The following F11R variants were observed in gnomAD, a reference collection of about 807,000 sequenced individuals.
F11R encodes junctional adhesion molecule A.
A neutral mutation model predicts 39.3 loss-of-function variants in F11R; 27 were observed. That is an observed-to-expected ratio of 0.69 (90% CI 0.51 to 0.95). F11R has a LOEUF of 0.95. Among genes scored for constraint, F11R ranks in the 40% least tolerant of loss-of-function variants. The probability of loss-of-function intolerance (pLI) is 0.00; values close to 1 mark genes in which losing one functional copy is unlikely to be tolerated. For missense variants in F11R, 335 were observed against 372.7 expected (o/e 0.90, Z 0.83); for synonymous variants, 131 against 144.9 (o/e 0.90, Z 0.69).
At chr1:161,002,641 C>G (rs931426750) in intron 1 of F11R, 1 of 152,186 alleles carries the variant, frequency 6.6e-6, no homozygotes, top group Non-Finnish European at 1.5e-5. Context: ...TTGTAGAAGT[C>G]AAGCACATCT....
rs530823859 is a variant in F11R, at chr1:160,998,418, C to G, written c.*453G>C. 9.6e-6 allele frequency: 2 copies of G among 208,264 alleles called. No homozygotes were observed. Among genetic ancestry groups the G allele is most frequent in the Admixed American group, 5.3e-5 (1 of 18,988 alleles). The allele number at this position is 208,264 out of a possible 1,614,324, so 12.9% of individuals were successfully genotyped here. ...TCACCAAACAACCATTTCAGCCGCT[C>G]TAGCCTCTAATTCCCGCTCTAGAAC... On this transcript the variant is annotated 3_prime_UTR_variant, in exon 10 of 10. Transcript: ENST00000368026.
Position 161,012,765 on chromosome 1 carries a change from T to C in F11R, c.64+8245A>G, listed in dbSNP as rs567290308. On this transcript the variant is annotated intron_variant, in intron 1 of 9. Transcript: ENST00000368026. ...TCAGCCTCCCAAGTAGCTAGAATTATAGGCACCCACCACCATGCCCGGCTA... is the reference window on the plus strand; with the variant it reads ...TCAGCCTCCCAAGTAGCTAGAATTACAGGCACCCACCACCATGCCCGGCTA... 8.0e-4 allele frequency among the ~76,000 whole-genome samples: 121 copies of C among 152,026 alleles called. 1 individual carries two copies. Among genetic ancestry groups the C allele is most frequent in the African/African-American group, 2.8e-3 (116 of 41,516 alleles).
At chr1:161,016,806 G>A (rs927215684) in intron 1 of F11R, among the ~76,000 whole-genome samples, 1 of 152,182 alleles carries the variant, frequency 6.6e-6, no homozygotes, top group Non-Finnish European at 1.5e-5. Flanking sequence ...TGGGAGTAGA[G>A]GGAGAGGAAA....
At chr1:160,999,518 T>C in intron 7 of F11R, 110 bp from the exon 8 acceptor site, 1 of 1,544,202 alleles carries the variant, frequency 6.5e-7, no homozygotes, top group Non-Finnish European at 9.0e-7. Flanking sequence ...GTGATCAGTG[T>C]TCCCCAGGGG....
intron 1 of F11R, among the ~76,000 whole-genome samples, chr1:161,019,940 G>A (rs187201188): frequency 2.5e-4 from 38 of 152,158 alleles, no homozygotes; most frequent in African/African-American, 8.0e-4. Context: ...TCCATCTAAG[G>A]GCAGGGAATC....
chr1:161,001,458 A>C, intron 1 of F11R, 105 bp from the exon 2 acceptor site: 1 of 899,170 alleles, frequency 1.1e-6, no homozygotes, highest in South Asian at 1.5e-5. Flanking sequence ...CACAGACCCT[A>C]AGAGGAAGGG....
chr1:161,005,117 GC>G (rs1390426766), intron 1 of F11R, among the ~76,000 whole-genome samples: 1 of 148,822 alleles, frequency 6.7e-6, no homozygotes, highest in Non-Finnish European at 1.5e-5. Flanking sequence ...CCTAGATAGT[GC>G]CACTGCACTC....
At chr1:161,005,167 A>AAAT (rs71090350) in intron 1 of F11R, among the ~76,000 whole-genome samples, 7,567 of 145,076 alleles carry the variant, frequency 0.052, 225 homozygotes, top group African/African-American at 0.087. Flanking sequence ...CTCAAAAATA[A>AAAT]AATAATAATA....
chr1:160,999,347 G>A (rs1648322621), intron 8 of F11R, 49 bp downstream of exon 8: 2 of 1,612,960 alleles, frequency 1.2e-6, no homozygotes, highest in Non-Finnish European at 1.7e-6. Flanking sequence ...CAAACCACAT[G>A]CATCCATGCT....
chr1:161,018,338 A>G (rs550763444), intron 1 of F11R, among the ~76,000 whole-genome samples: 57 of 152,278 alleles, frequency 3.7e-4, no homozygotes, highest in African/African-American at 1.3e-3. Context: ...GAACAGGGAG[A>G]ACATATGGGC....
intron 1 of F11R, among the ~76,000 whole-genome samples, chr1:161,011,998 C>G (rs1649185540): frequency 6.6e-6 from 1 of 152,084 alleles, no homozygotes; most frequent in Non-Finnish European, 1.5e-5. Context: ...TTGTTGACAG[C>G]CCCTGGCACA....
chr1:161,008,922 C>T (rs567131513), intron 1 of F11R, among the ~76,000 whole-genome samples: 29 of 152,256 alleles, frequency 1.9e-4, no homozygotes, highest in African/African-American at 7.0e-4. Flanking sequence ...CTCTGCCAAA[C>T]GCCCACCTCC....
intron 1 of F11R, among the ~76,000 whole-genome samples, chr1:161,002,956 G>GTT (rs35780690): frequency 3.9e-4 from 51 of 132,462 alleles, no homozygotes; most frequent in Non-Finnish European, 5.0e-4. Flanking sequence ...CTATTTATTT[G>GTT]TTTTTTTTTT....
chr1:161,012,961 G>A (rs910359143), intron 1 of F11R, among the ~76,000 whole-genome samples: 1 of 152,014 alleles, frequency 6.6e-6, no homozygotes, highest in African/African-American at 2.4e-5. Context: ...TAGGCTCAGG[G>A]GTACATATGC....
In F11R at chr1:161,001,106, T is replaced by C. The variant is rs1365274524; in HGVS notation, c.155A>G (p.Tyr52Cys). 6.2e-7 allele frequency: 1 copy of C among 1,613,792 alleles called. No homozygotes were observed. Among genetic ancestry groups the C allele is most frequent in the Non-Finnish European group, 8.5e-7 (1 of 1,179,972 alleles). The stretch of plus-strand genomic sequence containing the variant: ...CACACGGGGAGAAGAAAAGCCCGAG[T>C]AGGCACAGGACAACTTCACAGCTGC... Reference protein sequence around the residue: ...ENNPVKLSCAYSGFSSPRVEW... With the variant: ...ENNPVKLSCACSGFSSPRVEW... The change falls in exon 3 of 10, where the codon TAC (tyrosine) becomes TGC (cysteine). Residue 52 changes from tyrosine (Y) to cysteine (C), a missense_variant. By Grantham distance (194) the Tyr-to-Cys change is radical. Transcript: ENST00000368026.
chr1:160,998,997 C>T lies in F11R; in HGVS notation c.864+46G>A, dbSNP rs776268416. Reference sequence around the variant, plus strand: ...TAAACATGGGCTAGAAATCTCCTCACTCCAGCCCCAGGTGGCCCACCCCTG... The same window carrying T: ...TAAACATGGGCTAGAAATCTCCTCATTCCAGCCCCAGGTGGCCCACCCCTG... On this transcript the variant is annotated intron_variant, in intron 9 of 9. Transcript: ENST00000368026. 13 of 1,613,558 alleles carry T rather than the reference C, an allele frequency of 8.1e-6. No homozygotes were observed. In the East Asian group the frequency reaches 2.7e-4, roughly 33 times the overall value.
intron 5 of F11R, 72 bp downstream of exon 5, chr1:161,000,074 G>A: frequency 1.9e-6 from 3 of 1,600,614 alleles, no homozygotes; most frequent in Non-Finnish European, 2.6e-6. Flanking sequence ...CCTGTTGCCT[G>A]TTCTTCCTCC....
At chr1:161,000,593 C>A (rs1461526995) in intron 4 of F11R, 38 bp downstream of exon 4, 1 of 1,613,320 alleles carries the variant, frequency 6.2e-7, no homozygotes, top group Non-Finnish European at 8.5e-7. Flanking sequence ...TGAGAAGTAA[C>A]TAACTCCAGG....
intron 1 of F11R, among the ~76,000 whole-genome samples, chr1:161,016,758 A>C (rs1225633224): frequency 6.6e-6 from 1 of 152,204 alleles, no homozygotes; most frequent in Non-Finnish European, 1.5e-5. Context: ...AGGAAGTGCC[A>C]GTCACCAGTT....
Sources: allele counts gnomAD v4.1 joint callset (sites outside exome capture counted in the v4.1 genomes callset), GRCh38; gene constraint gnomAD v4.1.1; transcripts MANE v1.5; gene names NCBI Gene and HGNC (gene_info 2026-07-23, HGNC 2026-07-21).